Variants in TMEM19 observed in about 807,000 individuals in gnomAD.
The protein encoded by TMEM19 is transmembrane protein 19.
In TMEM19, 21 loss-of-function variants were observed where a neutral mutation model predicts 33.6. The observed-to-expected ratio is 0.62, with a 90% CI of 0.44 to 0.90. TMEM19 has a LOEUF of 0.90. Ranked by LOEUF, TMEM19 falls within the 40% of genes least tolerant of loss-of-function variation. The pLI is 0.00. For synonymous variants in TMEM19, 149 were observed against 147.5 expected, an observed-to-expected ratio of 1.01 and a Z score of -0.07; for missense variants, 402 against 401.8, an observed-to-expected ratio of 1.00 and a Z score of 0.00.
chr12:71,690,204 G>A, intron 2 of TMEM19: 1 of 153,908 alleles, frequency 6.5e-6, no homozygotes, highest in Non-Finnish European at 1.4e-5. Context: ...TGCCCAGGCT[G>A]GAGTGCAGTG....
At chr12:71,696,653 G>GTTTTTGT in intron 3 of TMEM19, 80 bp downstream of exon 3, 4 of 1,069,248 alleles carry the variant, frequency 3.7e-6, no homozygotes, top group Non-Finnish European at 5.0e-6. Flanking sequence ...TTTTGTTTTT[G>GTTTTTGT]TTTTTTTTTT....
intron 2 of TMEM19, among the ~76,000 whole-genome samples, chr12:71,693,059 G>T (rs1248375234): frequency 6.6e-6 from 1 of 151,956 alleles, no homozygotes; most frequent in Non-Finnish European, 1.5e-5. Context: ...GCCAGGCATG[G>T]TGACAGGTGC....
Position 71,686,787 on chromosome 12 carries a change from C to G in TMEM19, c.107C>G (p.Ser36Ter). 1 of 1,611,880 alleles carries G rather than the reference C, an allele frequency of 6.2e-7. No homozygotes were observed. The highest frequency in any genetic ancestry group is 8.5e-7 in the Non-Finnish European group (1 of 1,179,514). ...ICISLAFWII[S>*]MTASTYYGNL... ...ATTTCGTTAGCTTTCTGGATTATAT[C>G]AATGACTGCAAGCACCTATTATGGT... Residue 36 changes from serine to a stop codon, truncating the protein, a stop_gained, in exon 1 of 6, where the codon TCA (serine) becomes TGA (stop). Coordinates refer to ENST00000266673, the MANE Select transcript of TMEM19 (RefSeq NM_018279.4). LOFTEE classifies it high-confidence loss of function.
At chr12:71,689,728 A>G (rs1881753270) in intron 2 of TMEM19, 24 bp downstream of exon 2, 1 of 1,492,558 alleles carries the variant, frequency 6.7e-7, no homozygotes. Flanking sequence ...TTGAATGTTT[A>G]CAGTAACTAC....
intron 5 of TMEM19, among the ~76,000 whole-genome samples, chr12:71,700,364 T>C (rs1406582329): frequency 2.0e-5 from 3 of 152,150 alleles, no homozygotes; most frequent in Non-Finnish European, 4.4e-5. Flanking sequence ...GCCTCCTTTG[T>C]GCCAGCCCCA....
intron 4 of TMEM19, among the ~76,000 whole-genome samples, chr12:71,698,303 G>A (rs1881911871): frequency 6.6e-6 from 1 of 151,846 alleles, no homozygotes; most frequent in Non-Finnish European, 1.5e-5. Flanking sequence ...CTACTACAGA[G>A]CACTATTCTA....
chr12:71,705,034 A>C lies in TMEM19; in HGVS notation c.*4039A>C, dbSNP rs1229839755. ...GCACCATATTCCTGGAGGAAAATAC[A>C]AAATGAAAAACCAGTTTGGCTACCT... On this transcript the variant is annotated 3_prime_UTR_variant, in exon 6 of 6. Transcript: ENST00000266673. 1.3e-5 allele frequency: 2 copies of C among 152,222 alleles called. No homozygotes were observed. Among genetic ancestry groups the C allele is most frequent in the Non-Finnish European group, 2.9e-5 (2 of 68,032 alleles). 9.4% of individuals were successfully genotyped at this position (152,222 alleles called of 1,614,324 possible).
intron 2 of TMEM19, 32 bp downstream of exon 2, chr12:71,689,736 T>A: frequency 7.1e-7 from 1 of 1,412,522 alleles, no homozygotes; most frequent in Non-Finnish European, 9.9e-7. Flanking sequence ...TTACAGTAAC[T>A]ACTAAGTGCT....
At chr12:71,688,938 A>G (rs1881738043) in intron 1 of TMEM19, among the ~76,000 whole-genome samples, 1 of 152,158 alleles carries the variant, frequency 6.6e-6, no homozygotes, top group Non-Finnish European at 1.5e-5. Context: ...AGTTCGTTCT[A>G]GGTAGTCCTT....
rs1178684001 is a variant in TMEM19, at chr12:71,689,111, A to G, written c.131-480A>G. Among the ~76,000 whole-genome samples the G allele has an allele frequency of 3.3e-5, 5 of 152,220 alleles. No individual in the cohort carries two copies. The East Asian group carries it at 7.7e-4, about 23-fold the overall frequency. On this transcript the variant is annotated intron_variant, in intron 1 of 5. Coordinates refer to ENST00000266673, the MANE Select transcript of TMEM19 (RefSeq NM_018279.4). ...ACTGTTTCTCCGAAAATATGCATGC[A>G]TGTCTCAACATAAATACAGTCATGC...
intron 2 of TMEM19, among the ~76,000 whole-genome samples, chr12:71,690,732 T>C (rs2137592811): frequency 6.6e-6 from 1 of 152,326 alleles, no homozygotes; most frequent in South Asian, 2.1e-4. Context: ...CATTTTGCAC[T>C]GGTATCTGAA....
At chr12:71,690,011 ACTC>A (rs773027493) in intron 2 of TMEM19, among the ~76,000 whole-genome samples, 2 of 152,198 alleles carry the variant, frequency 1.3e-5, no homozygotes, top group African/African-American at 2.4e-5. Context: ...ACACTGGAGC[ACTC>A]CTCCTATATG....
Position 71,701,939 on chromosome 12 carries a change from C to T in TMEM19, c.*944C>T, listed in dbSNP as rs1214751502. ...GTTGTATTCTCTCTTACACTGTAGC[C>T]TCAACTAAGGCAATTCTGCTATGTT... On this transcript the variant is annotated 3_prime_UTR_variant, in exon 6 of 6. Transcript: ENST00000266673. 6.6e-6 allele frequency: 1 copy of T among 152,172 alleles called. No individual in the cohort carries two copies. Among genetic ancestry groups the T allele is most frequent in the Non-Finnish European group, 1.5e-5 (1 of 68,038 alleles). 9.4% of individuals were successfully genotyped at this position (152,172 alleles called of 1,614,324 possible).
Position 71,699,093 on chromosome 12 carries a change from T to C in TMEM19, c.831T>C (p.Ala277=), listed in dbSNP as rs1207218371. The C allele has an allele frequency of 6.2e-7, 1 of 1,614,042 alleles. No individual in the cohort carries two copies. Among genetic ancestry groups the C allele is most frequent in the African/African-American group, 1.3e-5 (1 of 74,906 alleles). Residue 277 remains alanine, a synonymous_variant, in exon 5 of 6, where the codon GCT becomes GCC. Transcript: ENST00000266673. ...LGSIVDSYLG[A]TMQYTGLDES... Reference sequence around the variant, plus strand: ...CAATTGTGGACTCATACTTAGGGGCTACAATGCAGTATACTGGTAAGAACA... The same window carrying C: ...CAATTGTGGACTCATACTTAGGGGCCACAATGCAGTATACTGGTAAGAACA...
chr12:71,696,333 A>G (rs1395265958), intron 2 of TMEM19, 103 bp from the exon 3 acceptor site: 2 of 1,086,314 alleles, frequency 1.8e-6, no homozygotes, highest in African/African-American at 1.6e-5. Context: ...AGAAATGTAC[A>G]TTTCAGGTTA....
At chr12:71,700,065 G>A (rs763571636) in intron 5 of TMEM19, among the ~76,000 whole-genome samples, 1 of 152,088 alleles carries the variant, frequency 6.6e-6, no homozygotes, top group African/African-American at 2.4e-5. Flanking sequence ...AGTCCTCCCA[G>A]CACTCTTCAT....
Position 71,698,607 on chromosome 12 carries a change from AAGAGAGAGAGAGAGAGAGAGAGAGAGAG to A in TMEM19, c.638-267_638-240del, listed in dbSNP as rs71068787. Reference sequence around the variant, plus strand: ...GATAGAGCAAAACCTTGTCTCTGAAAAGAGAGAGAGAGAGAGAGAGAGAGAGAGAGAGAGAGAGAGAGAGAGAGAGAGA... The same window carrying A: ...GATAGAGCAAAACCTTGTCTCTGAAAAGAGAGAGAGAGAGAGAGAGAGAGA... On this transcript the variant is annotated intron_variant, in intron 4 of 5. Transcript: ENST00000266673. Among the ~76,000 whole-genome samples, 17 of 121,278 alleles carry A rather than the reference AAGAGAGAGAGAGAGAGAGAGAGAGAGAG, an allele frequency of 1.4e-4. 1 individual carries two copies. Among genetic ancestry groups the A allele is most frequent in the African/African-American group, 4.0e-4 (12 of 29,988 alleles). 79.6% of individuals were successfully genotyped at this position (121,278 alleles called of 152,430 possible). A position where few individuals can be genotyped will look rare whatever the true frequency, so the allele number is the denominator to read the frequency against.
intron 2 of TMEM19, among the ~76,000 whole-genome samples, chr12:71,694,076 A>T (rs960741625): frequency 1.8e-4 from 28 of 152,236 alleles, no homozygotes; most frequent in African/African-American, 6.0e-4. Flanking sequence ...AGGATTTAGA[A>T]GTAAGAGTTA....
At chr12:71,691,155 A>C (rs907012110) in intron 2 of TMEM19, among the ~76,000 whole-genome samples, 2 of 152,232 alleles carry the variant, frequency 1.3e-5, no homozygotes, top group Non-Finnish European at 2.9e-5. Flanking sequence ...TATTAGGCAG[A>C]GTTCTTCAAA....
Sources: allele counts gnomAD v4.1 joint callset (sites outside exome capture counted in the v4.1 genomes callset), GRCh38; gene constraint gnomAD v4.1.1; transcripts MANE v1.5; gene names NCBI Gene and HGNC (gene_info 2026-07-23, HGNC 2026-07-21).